Variants in WDPCP observed in about 807,000 individuals in gnomAD.
WDPCP encodes WD repeat containing planar cell polarity effector.
A neutral mutation model predicts 93.1 loss-of-function variants in WDPCP; 71 were observed. The ratio of observed to expected loss-of-function variants is 0.76; its 90% confidence interval spans 0.63 to 0.93. WDPCP has a LOEUF of 0.93. Ranked by LOEUF, WDPCP falls within the 40% of genes least tolerant of loss-of-function variation. The pLI, the probability that WDPCP is intolerant of heterozygous loss-of-function variation, is 0.00. For synonymous variants in WDPCP, 315 were observed against 315.0 expected (o/e 1.00, Z 0.00); for missense variants, 844 against 887.4 (o/e 0.95, Z 0.62).
intron 13 of WDPCP, among the ~76,000 whole-genome samples, chr2:63,303,276 G>T (rs533118636): frequency 3.9e-5 from 6 of 152,248 alleles, no homozygotes; most frequent in African/African-American, 9.6e-5. Context: ...CCATCTAGGG[G>T]CCTAAGGAGT....
At chr2:63,689,748 A>G (rs1450869838) in intron 2 of WDPCP, among the ~76,000 whole-genome samples, 1 of 152,198 alleles carries the variant, frequency 6.6e-6, no homozygotes, top group Non-Finnish European at 1.5e-5. Context: ...GATCTCTGAA[A>G]TAGAAATAAA....
chr2:63,367,659 A>G (rs1337683004), intron 12 of WDPCP, among the ~76,000 whole-genome samples: 1 of 152,230 alleles, frequency 6.6e-6, no homozygotes, highest in African/African-American at 2.4e-5. Context: ...ATAGAAGGCC[A>G]TAATATTTAT....
At chr2:63,204,204 C>T (rs867847397) in intron 14 of WDPCP, among the ~76,000 whole-genome samples, 1 of 152,020 alleles carries the variant, frequency 6.6e-6, no homozygotes, top group Non-Finnish European at 1.5e-5. Context: ...CACATCCTCA[C>T]CAGCTTTTCT....
At chr2:63,577,765 C>G (rs1708213564) in intron 1 of WDPCP, among the ~76,000 whole-genome samples, 1 of 152,064 alleles carries the variant, frequency 6.6e-6, no homozygotes, top group Non-Finnish European at 1.5e-5. Flanking sequence ...AATATTTGAA[C>G]AGCAAACACA....
At chr2:63,401,355 C>T (rs1694136883) in intron 10 of WDPCP, among the ~76,000 whole-genome samples, 1 of 152,168 alleles carries the variant, frequency 6.6e-6, no homozygotes, top group Non-Finnish European at 1.5e-5. Flanking sequence ...AGACACTTCT[C>T]AGAAGAAGAC....
intron 17 of WDPCP, among the ~76,000 whole-genome samples, chr2:63,147,807 A>G (rs1215927222): frequency 1.3e-5 from 2 of 152,102 alleles, no homozygotes; most frequent in East Asian, 3.9e-4. Flanking sequence ...CATCTGTACT[A>G]AAAATGCAAA....
At chr2:63,361,702 T>TTTG (rs768732627) in intron 12 of WDPCP, among the ~76,000 whole-genome samples, 5 of 152,132 alleles carry the variant, frequency 3.3e-5, no homozygotes, top group African/African-American at 7.2e-5. Flanking sequence ...CTTTCATTTG[T>TTTG]TTGTTGTTGT....
At position 63,162,302 on chromosome 2, in the gene WDPCP, T is replaced by C. The variant is rs113509522; in HGVS notation, c.2079-8728A>G. Among the ~76,000 whole-genome samples the C allele has an allele frequency of 2.2e-3, 339 of 152,296 alleles. 2 individuals are homozygous for C. Among genetic ancestry groups the C allele is most frequent in the Non-Finnish European group, 3.9e-3 (267 of 68,018 alleles). ...TCTATTAATACTTTGATAAATTCAT[T>C]TGCAGTTTTATTATTCTTGTTGAAT... On this transcript the variant is annotated intron_variant, in intron 15 of 17. Coordinates refer to ENST00000272321, the MANE Select transcript of WDPCP (RefSeq NM_015910.7).
At chr2:63,393,324 G>A (rs1162946755) in intron 10 of WDPCP, among the ~76,000 whole-genome samples, 1 of 151,902 alleles carries the variant, frequency 6.6e-6, no homozygotes, top group Non-Finnish European at 1.5e-5. Context: ...TCATAGGTGG[G>A]AACTGAACAA....
intron 3 of WDPCP, chr2:63,597,663 C>A: frequency 8.4e-7 from 1 of 1,196,344 alleles, no homozygotes; most frequent in Non-Finnish European, 1.1e-6. Flanking sequence ...AATTATTTGC[C>A]CTTTTTTCTA....
intron 9 of WDPCP, among the ~76,000 whole-genome samples, chr2:63,413,630 T>C (rs994964233): frequency 6.6e-6 from 1 of 152,090 alleles, no homozygotes; most frequent in Non-Finnish European, 1.5e-5. Context: ...ATCCCATCTC[T>C]ACTAAAAATA....
intron 2 of WDPCP, among the ~76,000 whole-genome samples, chr2:63,791,021 A>T (rs1342491027): frequency 6.6e-6 from 1 of 152,198 alleles, no homozygotes; most frequent in Non-Finnish European, 1.5e-5. Context: ...TTCTCTTTCT[A>T]ATACTGATTT....
intron 14 of WDPCP, among the ~76,000 whole-genome samples, chr2:63,204,719 G>C (rs1676198309): frequency 6.6e-6 from 1 of 152,004 alleles, no homozygotes; most frequent in Admixed American, 6.6e-5. Flanking sequence ...TTCATACAGA[G>C]TTGTTTAAAT....
chr2:63,316,316 A>G (rs1686636128), intron 12 of WDPCP, among the ~76,000 whole-genome samples: 1 of 152,200 alleles, frequency 6.6e-6, no homozygotes, highest in Non-Finnish European at 1.5e-5. Flanking sequence ...CAGGAGATAT[A>G]AAAAGGAAAT....
intron 14 of WDPCP, among the ~76,000 whole-genome samples, chr2:63,208,823 A>G (rs567903970): frequency 6.6e-6 from 1 of 152,298 alleles, no homozygotes; most frequent in African/African-American, 2.4e-5. Flanking sequence ...CTGTATTTAT[A>G]CTGAAAATCA....
intron 2 of WDPCP, among the ~76,000 whole-genome samples, chr2:63,724,143 GATAA>G (rs1416562604): frequency 1.3e-5 from 2 of 152,156 alleles, no homozygotes; most frequent in African/African-American, 2.4e-5. Flanking sequence ...ATGCCTGAAT[GATAA>G]ATATTTAGTT....
intron 3 of WDPCP, among the ~76,000 whole-genome samples, chr2:63,650,219 G>A (rs1026706573): frequency 1.3e-5 from 2 of 152,194 alleles, no homozygotes; most frequent in African/African-American, 4.8e-5. Context: ...CAGTCACCTG[G>A]AGGACTTATT....
At chr2:63,124,933 T>C (rs1344094456) in intron 17 of WDPCP, among the ~76,000 whole-genome samples, 1 of 152,142 alleles carries the variant, frequency 6.6e-6, no homozygotes, top group African/African-American at 2.4e-5. Flanking sequence ...GGCTGCTTTA[T>C]GATTAACTTC....
At chr2:63,129,912 T>G (rs1670178889) in intron 17 of WDPCP, among the ~76,000 whole-genome samples, 1 of 152,180 alleles carries the variant, frequency 6.6e-6, no homozygotes, top group South Asian at 2.1e-4. Context: ...ACTGTATTAT[T>G]TAGGGAATAA....
Sources: gnomAD v4.1 joint callset for allele counts (sites outside exome capture counted in the v4.1 genomes callset) on GRCh38, gnomAD v4.1.1 for gene constraint, MANE v1.5 for transcripts, NCBI Gene and HGNC (gene_info 2026-07-23, HGNC 2026-07-21) for gene names.